Variants in QTGAL observed in about 807,000 individuals in gnomAD.
QTGAL encodes BGnT-like protein 1.
chr17:82,986,075 G>A, the QTGAL span, among the ~76,000 whole-genome samples: 5 of 152,228 alleles, frequency 3.3e-5, no homozygotes, highest in Non-Finnish European at 5.9e-5. Context: ...CGGGCCAGGA[G>A]CTCAGGGCGA....
the QTGAL span, among the ~76,000 whole-genome samples, chr17:83,038,718 G>A: frequency 6.6e-6 from 1 of 152,116 alleles, no homozygotes; most frequent in Admixed American, 6.5e-5. Context: ...AATTAGCCGG[G>A]CGTGGTGGCG....
At chr17:82,951,868 C>T in the QTGAL span, among the ~76,000 whole-genome samples, 1 of 151,780 alleles carries the variant, frequency 6.6e-6, no homozygotes, top group Non-Finnish European at 1.5e-5. Flanking sequence ...CAATCAAGTT[C>T]ACTGATTCAT....
At chr17:83,014,206 T>C in the QTGAL span, among the ~76,000 whole-genome samples, 1 of 152,178 alleles carries the variant, frequency 6.6e-6, no homozygotes, top group Non-Finnish European at 1.5e-5. Context: ...AAAACGCTGA[T>C]TAAAAACAAA....
the QTGAL span, among the ~76,000 whole-genome samples, chr17:83,050,366 A>G: frequency 6.8e-6 from 1 of 146,956 alleles, no homozygotes; most frequent in Non-Finnish European, 1.5e-5. Flanking sequence ...GTGAAACTCC[A>G]TTTCAAAAAA....
At chr17:83,028,677 G>A in the QTGAL span, among the ~76,000 whole-genome samples, 16 of 152,188 alleles carry the variant, frequency 1.1e-4, no homozygotes, top group Admixed American at 4.6e-4. Flanking sequence ...CTCTGCTGAC[G>A]GGAAGGCAGA....
At chr17:83,035,182 C>CTT in the QTGAL span, 861 of 934,834 alleles carry the variant, frequency 9.2e-4, no homozygotes, top group Admixed American at 1.4e-3. Context: ...ATATGATATT[C>CTT]TTTTTTTTTT....
the QTGAL span, among the ~76,000 whole-genome samples, chr17:82,954,703 G>A: frequency 6.6e-6 from 1 of 152,174 alleles, no homozygotes; most frequent in South Asian, 2.1e-4. Context: ...AACAAAGCTG[G>A]AGGCATCACG....
At chr17:82,974,611 T>A in the QTGAL span, among the ~76,000 whole-genome samples, 2 of 152,098 alleles carry the variant, frequency 1.3e-5, no homozygotes, top group African/African-American at 4.8e-5. Flanking sequence ...TAAATGACCC[T>A]CTGACTGCTT....
the QTGAL span, among the ~76,000 whole-genome samples, chr17:83,049,494 G>C: frequency 6.8e-6 from 1 of 146,710 alleles, no homozygotes; most frequent in African/African-American, 2.5e-5. Context: ...CTCACTGCAA[G>C]CTCTGCCTCC....
chr17:83,043,081 C>T, the QTGAL span, among the ~76,000 whole-genome samples: 1 of 152,132 alleles, frequency 6.6e-6, no homozygotes, highest in Non-Finnish European at 1.5e-5. Context: ...CCGTAACAGT[C>T]GGAGATTCAA....
the QTGAL span, among the ~76,000 whole-genome samples, chr17:83,009,003 A>C: frequency 1.3e-5 from 2 of 152,170 alleles, no homozygotes; most frequent in African/African-American, 4.8e-5. Context: ...ACACAGAAGG[A>C]AACTCACACC....
At chr17:82,970,559 GCGACC>G in the QTGAL span, among the ~76,000 whole-genome samples, 5 of 83,072 alleles carry the variant, frequency 6.0e-5, no homozygotes, top group South Asian at 1.9e-3. Flanking sequence ...CGGCGTGGCC[GCGACC>G]TCCGCACCCG....
the QTGAL span, among the ~76,000 whole-genome samples, chr17:83,035,336 C>T: frequency 0.2 from 29,709 of 151,928 alleles, 3,462 homozygotes; most frequent in East Asian, 0.4. Context: ...CCTGCCACCA[C>T]GCCTGGCGAA....
chr17:82,957,359 C>T, the QTGAL span: 1 of 1,613,330 alleles, frequency 6.2e-7, no homozygotes. Context: ...GGATGCTCAC[C>T]TTGCGCTGGC....
the QTGAL span, chr17:83,006,041 C>A: frequency 9.8e-7 from 1 of 1,022,240 alleles, no homozygotes; most frequent in Non-Finnish European, 1.2e-6. The surrounding 1 kb of genome is among the most constrained non-coding windows in gnomAD (Gnocchi z 5.8). Context: ...GGAAACAGCA[C>A]CCACCCCAAG....
At chr17:82,984,266 G>A in the QTGAL span, among the ~76,000 whole-genome samples, 303 of 62,922 alleles carry the variant, frequency 4.8e-3, 71 homozygotes, top group African/African-American at 0.03. Flanking sequence ...ATATGATCAC[G>A]CAGGGGAGAG....
chr17:83,000,161 C>T, the QTGAL span, among the ~76,000 whole-genome samples: 1 of 152,110 alleles, frequency 6.6e-6, no homozygotes, highest in African/African-American at 2.4e-5. Context: ...CGGGGTTTCA[C>T]CATCTTGGCC....
the QTGAL span, among the ~76,000 whole-genome samples, chr17:83,028,508 G>C: frequency 1.4e-5 from 2 of 140,374 alleles, no homozygotes; most frequent in African/African-American, 5.4e-5. Context: ...CTGGGCGACA[G>C]CGAGACTCCA....
the QTGAL span, chr17:83,005,637 G>T: frequency 1.4e-6 from 1 of 703,404 alleles, no homozygotes; most frequent in South Asian, 1.5e-5. This position sits in a 1 kb window ranked among gnomAD's most constrained non-coding sequence, Gnocchi z 5.6. Context: ...CCGCCCGTCT[G>T]AACCTGCTCC....
Sources: allele counts gnomAD v4.1 joint callset (sites outside exome capture counted in the v4.1 genomes callset), GRCh38; gene constraint gnomAD v4.1.1; non-coding constraint Gnocchi (gnomAD v3.1); transcripts MANE v1.5; gene names NCBI Gene and HGNC (gene_info 2026-07-23, HGNC 2026-07-21).